Variants in EPS15 observed in about 807,000 individuals in gnomAD.
The protein encoded by EPS15 is epidermal growth factor receptor substrate 15.
EPS15 carries 72 observed loss-of-function variants against 113.8 expected under a neutral mutation model. The ratio of observed to expected loss-of-function variants is 0.63; its 90% CI spans 0.52 to 0.77. The LOEUF (loss-of-function observed/expected upper bound fraction) is 0.77. Ranked by LOEUF, EPS15 falls within the 30% of genes least tolerant of loss-of-function variation. The pLI is 0.00. For missense variants in EPS15, 1,048 were observed against 1,045.8 expected (o/e 1.00, Z -0.03); for synonymous variants, 344 against 363.4 (o/e 0.95, Z 0.61).
chr1:51,446,880 A>G (rs900427673), intron 10 of EPS15, 80 bp downstream of exon 10: 91 of 1,223,778 alleles, frequency 7.4e-5, no homozygotes, highest in Non-Finnish European at 9.9e-5. Context: ...CCTATTTACA[A>G]ATGACTAAAA....
chr1:51,429,447 A>G (rs1651509060), intron 12 of EPS15, among the ~76,000 whole-genome samples: 1 of 152,162 alleles, frequency 6.6e-6, no homozygotes, highest in East Asian at 1.9e-4. Flanking sequence ...TAAAGTAGTA[A>G]ATTTTATGTT....
chr1:51,496,505 C>T (rs1241549984), intron 1 of EPS15, among the ~76,000 whole-genome samples: 2 of 152,136 alleles, frequency 1.3e-5, no homozygotes, highest in Non-Finnish European at 2.9e-5. Context: ...TTTTTATTCA[C>T]CTACAATTGC....
chr1:51,515,626 G>C (rs960389087), intron 1 of EPS15, among the ~76,000 whole-genome samples: 1 of 152,134 alleles, frequency 6.6e-6, no homozygotes, highest in Admixed American at 6.5e-5. Context: ...ACACACAATT[G>C]TATCATCCAA....
Position 51,372,634 on chromosome 1 carries a change from T to G in EPS15, c.2120-6605A>C, listed in dbSNP as rs1478974035. 2.3e-5 allele frequency: 11 copies of G among 469,606 alleles called. 1 individual carries two copies. The highest frequency in any genetic ancestry group is 2.1e-4 in the Admixed American group (9 of 43,310). The allele number at this position is 469,606 out of a possible 1,614,324, so 29.1% of individuals were successfully genotyped here. A position where few individuals can be genotyped will look rare whatever the true frequency, so the allele number is the denominator to read the frequency against. The stretch of plus-strand genomic sequence containing the variant: ...CTAACTCAGTATTGGTATTACTGAC[T>G]GAAACTAAAGGATCTGGGGCTGCCC... On this transcript the variant is annotated intron_variant, in intron 21 of 24. Coordinates refer to ENST00000371733, the MANE Select transcript of EPS15 (RefSeq NM_001981.3).
At chr1:51,366,090 A>T in intron 21 of EPS15, 61 bp from the exon 22 acceptor site, 1 of 1,158,858 alleles carries the variant, frequency 8.6e-7, no homozygotes, top group Non-Finnish European at 1.3e-6. Context: ...TTTTTGAGAC[A>T]GAGTCTCACT....
chr1:51,451,902 CT>C (rs945312930), intron 8 of EPS15, among the ~76,000 whole-genome samples: 1 of 150,736 alleles, frequency 6.6e-6, no homozygotes, highest in Non-Finnish European at 1.5e-5. Context: ...ATTTTTATTT[CT>C]TTTTTTTTGG....
At position 51,355,195 on chromosome 1, in the gene EPS15, G is replaced by T. The variant is rs1466396440; in HGVS notation, c.*1505C>A. On this transcript the variant is annotated 3_prime_UTR_variant, in exon 25 of 25. Coordinates refer to ENST00000371733, the MANE Select transcript of EPS15 (RefSeq NM_001981.3). ...TTTTAAACTGTAGGAGTCTAATTGT[G>T]TAATGGAAAGAAAACAAAACAAGCA... is the stretch of plus-strand genomic sequence containing the variant. The T allele has an allele frequency of 1.4e-5, 3 of 219,000 alleles. No individual in the cohort carries two copies. The highest frequency in any genetic ancestry group is 2.8e-5 in the Non-Finnish European group (3 of 108,956). The allele number at this position is 219,000 out of a possible 1,614,324, so 13.6% of individuals were successfully genotyped here.
intron 21 of EPS15, among the ~76,000 whole-genome samples, chr1:51,388,595 A>G (rs1432942970): frequency 2.6e-5 from 4 of 152,214 alleles, no homozygotes; most frequent in African/African-American, 9.6e-5. Flanking sequence ...AAAAAAAGAG[A>G]GAAGAATCAA....
chr1:51,357,740 C>CT (rs397978269), intron 24 of EPS15, among the ~76,000 whole-genome samples: 8,827 of 133,010 alleles, frequency 0.066, 323 homozygotes, highest in Middle Eastern at 0.14. Context: ...TAAACCTAAT[C>CT]TTTTTTTTTT....
intron 1 of EPS15, among the ~76,000 whole-genome samples, chr1:51,510,391 A>G (rs555479882): frequency 1.3e-5 from 2 of 152,348 alleles, no homozygotes; most frequent in Non-Finnish European, 2.9e-5. Flanking sequence ...TTAAAATACA[A>G]CCGTGAGCAA....
chr1:51,497,967 C>A (rs1644353744), intron 1 of EPS15, among the ~76,000 whole-genome samples: 1 of 149,306 alleles, frequency 6.7e-6, no homozygotes, highest in South Asian at 2.1e-4. Flanking sequence ...CAGAGCAAGA[C>A]CCCGTCTCAA....
chr1:51,357,325 C>T lies in EPS15; in HGVS notation c.2545-479G>A, dbSNP rs543112109. ...CCAGGAGGCAGAGGTTGCAGTGAGC[C>T]GAAAATGCACCCCTGCACTCCAGCC... On this transcript the variant is annotated intron_variant, in intron 24 of 24. Transcript: ENST00000371733. Among the ~76,000 whole-genome samples, 118 of 131,878 alleles carry T rather than the reference C, an allele frequency of 8.9e-4. 1 individual carries two copies. Among genetic ancestry groups the T allele is most frequent in the African/African-American group, 3.3e-3 (114 of 34,794 alleles). The allele number at this position is 131,878 out of a possible 152,430, so 86.5% of individuals were successfully genotyped here.
chr1:51,405,139 T>C (rs1648972425), intron 16 of EPS15, among the ~76,000 whole-genome samples: 2 of 152,228 alleles, frequency 1.3e-5, no homozygotes, highest in South Asian at 4.1e-4. Context: ...CTGAAAATTC[T>C]GCGCTTCCTT....
chr1:51,487,030 C>T (rs537584070), intron 1 of EPS15, among the ~76,000 whole-genome samples: 5 of 152,248 alleles, frequency 3.3e-5, no homozygotes, highest in African/African-American at 1.2e-4. Context: ...CAAAATTTTT[C>T]CTGAGCTAAC....
At chr1:51,427,954 G>A (rs1054175598) in intron 12 of EPS15, among the ~76,000 whole-genome samples, 1 of 152,080 alleles carries the variant, frequency 6.6e-6, no homozygotes. Context: ...TCAAACTGTT[G>A]CAATAATCTT....
intron 13 of EPS15, among the ~76,000 whole-genome samples, chr1:51,415,237 A>G (rs1186151320): frequency 3.3e-5 from 5 of 152,210 alleles, no homozygotes; most frequent in Admixed American, 3.3e-4. Flanking sequence ...ACAAATAAAC[A>G]AACCAATATA....
chr1:51,475,150 A>G (rs994400289), intron 2 of EPS15, among the ~76,000 whole-genome samples: 2 of 152,150 alleles, frequency 1.3e-5, no homozygotes, highest in Admixed American at 1.3e-4. Flanking sequence ...ATATGTGTGC[A>G]TGTGTCTTTA....
chr1:51,432,587 AT>A lies in EPS15; in HGVS notation c.1040+7759del, dbSNP rs34894893. On this transcript the variant is annotated intron_variant, in intron 12 of 24. Coordinates refer to ENST00000371733, the MANE Select transcript of EPS15 (RefSeq NM_001981.3). The stretch of plus-strand genomic sequence containing the variant: ...GATGAAAAATACTAAGATATTTTAC[AT>A]TTTTTTTCATTCTAAATCTTTGAAA... Among the ~76,000 whole-genome samples, 1,127 of 151,848 alleles carry A rather than the reference AT, an allele frequency of 7.4e-3. 15 individuals carry two copies. The highest frequency in any genetic ancestry group is 0.022 in the African/African-American group (891 of 41,360).
At chr1:51,490,284 G>A (rs1177189933) in intron 1 of EPS15, 4 of 448,282 alleles carry the variant, frequency 8.9e-6, no homozygotes, top group Non-Finnish European at 1.8e-5. Context: ...CAATGTGGAA[G>A]GCCAGGCATG....
Sources: allele counts gnomAD v4.1 joint callset (sites outside exome capture counted in the v4.1 genomes callset), GRCh38; gene constraint gnomAD v4.1.1; transcripts MANE v1.5; gene names NCBI Gene and HGNC (gene_info 2026-07-23, HGNC 2026-07-21).